Variants in CELF2 observed in about 807,000 individuals in gnomAD.
CELF2 encodes the protein CUG triplet repeat RNA-binding protein 2.
In CELF2, 8 loss-of-function variants were observed where a neutral mutation model predicts 62.6. That is an observed-to-expected ratio of 0.13 (90% CI 0.07 to 0.23). The LOEUF (loss-of-function observed/expected upper bound fraction) is 0.23. CELF2 is among the 10% of genes least tolerant of loss of function. The pLI is 1.00. For missense variants in CELF2, 333 were observed against 671.0 expected (o/e 0.50, Z 5.56); for synonymous variants, 258 against 250.0 (o/e 1.03, Z -0.30).
chr10:11,170,818 TGTTA>T (rs2068633454), intron 2 of CELF2, among the ~76,000 whole-genome samples: 1 of 152,132 alleles, frequency 6.6e-6, no homozygotes, highest in Non-Finnish European at 1.5e-5. Context: ...TCTCGTAATG[TGTTA>T]GTTAATCAAA....
intron 1 of CELF2, among the ~76,000 whole-genome samples, chr10:10,917,479 A>G (rs749570560): frequency 6.6e-6 from 1 of 152,184 alleles, no homozygotes; most frequent in Non-Finnish European, 1.5e-5. Flanking sequence ...AGCTAGGATT[A>G]CAGGCAGGCA....
At chr10:11,068,841 T>C (rs1206734390) in intron 1 of CELF2, among the ~76,000 whole-genome samples, 1 of 152,200 alleles carries the variant, frequency 6.6e-6, no homozygotes, top group Non-Finnish European at 1.5e-5. Context: ...ATTACAGGCG[T>C]GAGCCACCGC....
chr10:10,522,908 T>A, the CELF2 span, among the ~76,000 whole-genome samples: 8 of 152,296 alleles, frequency 5.3e-5, no homozygotes, highest in African/African-American at 1.9e-4. Context: ...ATGTGCTTCA[T>A]CTTTGGAAGG....
chr10:10,538,143 T>C, the CELF2 span, among the ~76,000 whole-genome samples: 187 of 152,284 alleles, frequency 1.2e-3, no homozygotes, highest in Non-Finnish European at 1.8e-3. Flanking sequence ...TTGTTGCTAG[T>C]AGGGGTGCCC....
the CELF2 span, among the ~76,000 whole-genome samples, chr10:10,507,876 A>C: frequency 3.9e-5 from 6 of 152,184 alleles, no homozygotes; most frequent in Non-Finnish European, 7.3e-5. Flanking sequence ...GAAAGCCCTC[A>C]AATTTAGTCA....
the CELF2 span, among the ~76,000 whole-genome samples, chr10:10,526,271 A>G: frequency 1.3e-5 from 2 of 152,262 alleles, no homozygotes; most frequent in South Asian, 2.1e-4. Flanking sequence ...ATGAAAAACA[A>G]TGTTCTAATA....
intron 1 of CELF2, among the ~76,000 whole-genome samples, chr10:11,048,623 A>G (rs1039119194): frequency 6.6e-6 from 1 of 152,256 alleles, no homozygotes; most frequent in Non-Finnish European, 1.5e-5. Context: ...GGTAAGATCC[A>G]CTAAGCTGTG....
chr10:11,198,406 T>C (rs1222856171), intron 2 of CELF2, among the ~76,000 whole-genome samples: 1 of 152,242 alleles, frequency 6.6e-6, no homozygotes, highest in Non-Finnish European at 1.5e-5. Flanking sequence ...CTGGAAGCTT[T>C]AGAGCAAGCC....
intron 2 of CELF2, chr10:10,920,103 C>T: frequency 3.6e-6 from 3 of 841,282 alleles, no homozygotes; most frequent in Non-Finnish European, 4.7e-6. Context: ...TTGTCTTCCT[C>T]ATGTCAGATT....
intron 1 of CELF2, among the ~76,000 whole-genome samples, chr10:11,084,870 A>G (rs991564534): frequency 1.3e-5 from 2 of 152,228 alleles, no homozygotes; most frequent in Non-Finnish European, 2.9e-5. Context: ...TAAGGTCATC[A>G]GTATATACGC....
At chr10:10,550,078 C>T in the CELF2 span, among the ~76,000 whole-genome samples, 1 of 152,182 alleles carries the variant, frequency 6.6e-6, no homozygotes, top group African/African-American at 2.4e-5. Context: ...TCTCCAAAGG[C>T]TATTAATAGC....
the CELF2 span, among the ~76,000 whole-genome samples, chr10:10,711,685 C>A: frequency 6.6e-6 from 1 of 152,120 alleles, no homozygotes; most frequent in African/African-American, 2.4e-5. Context: ...AGTTTGAGAC[C>A]AGCTTGGCCA....
At chr10:11,146,794 CAT>C (rs1283932379) in intron 1 of CELF2, among the ~76,000 whole-genome samples, 2 of 152,234 alleles carry the variant, frequency 1.3e-5, no homozygotes, top group South Asian at 2.1e-4. Context: ...ATTTGCAACT[CAT>C]AGCCACATCC....
intron 2 of CELF2, among the ~76,000 whole-genome samples, chr10:10,954,210 A>ATTT (rs1186010158): frequency 1.7e-5 from 2 of 114,914 alleles, no homozygotes; most frequent in Non-Finnish European, 3.5e-5. Context: ...TTGGCAATTT[A>ATTT]TTTATTATTA....
At position 11,191,393 on chromosome 10, in the gene CELF2, T is replaced by C. The variant is rs949208547; in HGVS notation, c.271+25711T>C. 1.3e-5 allele frequency among the ~76,000 whole-genome samples: 2 copies of C among 152,198 alleles called. No individual in the cohort carries two copies. The highest frequency in any genetic ancestry group is 4.8e-5 in the African/African-American group (2 of 41,444). On this transcript the variant is annotated intron_variant, in intron 2 of 12. Transcript: ENST00000633077. This position sits in a 1 kb window ranked among gnomAD's most constrained non-coding sequence, Gnocchi z 4.1. ...CTCCATCACACATGTACCCGTCCTC[T>C]ATTGTGTGGGAGGTACCCCAGGCAA...
At chr10:11,139,281 C>T (rs2060913473) in intron 1 of CELF2, among the ~76,000 whole-genome samples, 1 of 152,146 alleles carries the variant, frequency 6.6e-6, no homozygotes, top group Non-Finnish European at 1.5e-5. Context: ...AATCCTTTTA[C>T]ATAGTGCATG....
chr10:11,084,329 G>T (rs983612171), intron 1 of CELF2, among the ~76,000 whole-genome samples: 6 of 152,234 alleles, frequency 3.9e-5, no homozygotes, highest in African/African-American at 1.2e-4. Flanking sequence ...GATTGGCTGT[G>T]TTTTTGAACA....
chr10:10,602,404 A>G, the CELF2 span, among the ~76,000 whole-genome samples: 1 of 152,110 alleles, frequency 6.6e-6, no homozygotes, highest in Non-Finnish European at 1.5e-5. Flanking sequence ...TAGTCCCCCA[A>G]ACCATCAAAC....
chr10:11,272,920 A>C (rs1196116675), intron 7 of CELF2, among the ~76,000 whole-genome samples: 2 of 152,210 alleles, frequency 1.3e-5, no homozygotes, highest in Non-Finnish European at 2.9e-5. Flanking sequence ...TTAAAATTTA[A>C]AAACATTGAA....
Sources: allele counts gnomAD v4.1 joint callset (sites outside exome capture counted in the v4.1 genomes callset), GRCh38; gene constraint gnomAD v4.1.1; non-coding constraint Gnocchi (gnomAD v3.1); transcripts MANE v1.5; gene names NCBI Gene and HGNC (gene_info 2026-07-23, HGNC 2026-07-21).